NTRK3: variants seen among roughly 807,000 people sequenced by gnomAD.
NTRK3 encodes the protein neurotrophic receptor tyrosine kinase 3.
NTRK3 carries 24 observed loss-of-function variants against 91.7 expected under a neutral mutation model. The observed-to-expected ratio is 0.26, with a 90% CI of 0.19 to 0.37. NTRK3 has a LOEUF of 0.37. NTRK3 is among the 10% of genes least tolerant of loss of function. NTRK3 has a pLI of 1.00. For missense variants in NTRK3, 880 were observed against 1,068.9 expected (o/e 0.82, Z 2.46); for synonymous variants, 483 against 404.0 (o/e 1.20, Z -2.34).
At chr15:87,987,723 C>A (rs761753234) in intron 14 of NTRK3, among the ~76,000 whole-genome samples, 1 of 151,602 alleles carries the variant, frequency 6.6e-6, no homozygotes, top group Non-Finnish European at 1.5e-5. Flanking sequence ...TTCACCTTTC[C>A]CTTTATGTTA....
chr15:87,873,980 A>G, exon 19 of NTRK3: 1 of 229,026 alleles, frequency 4.4e-6, no homozygotes, highest in Non-Finnish European at 8.7e-6. Context: ...ACAGTGACAC[A>G]ACGTTGTCAG....
At chr15:88,074,735 A>G (rs1369734914) in intron 13 of NTRK3, among the ~76,000 whole-genome samples, 1 of 152,202 alleles carries the variant, frequency 6.6e-6, no homozygotes, top group Non-Finnish European at 1.5e-5. Flanking sequence ...TTCTACCATC[A>G]AACTAGAGAA....
chr15:88,062,361 T>C (rs912653597), intron 13 of NTRK3, among the ~76,000 whole-genome samples: 2 of 152,234 alleles, frequency 1.3e-5, no homozygotes, highest in African/African-American at 4.8e-5. Context: ...TTTCCCATTG[T>C]TATTAGCTGA....
At chr15:87,971,776 G>A (rs889454712) in intron 14 of NTRK3, among the ~76,000 whole-genome samples, 1 of 152,178 alleles carries the variant, frequency 6.6e-6, no homozygotes, top group Non-Finnish European at 1.5e-5. Flanking sequence ...CATGTCACAG[G>A]CTCTGTAGAC....
chr15:88,019,616 C>A (rs932658032), intron 14 of NTRK3, among the ~76,000 whole-genome samples: 1 of 152,188 alleles, frequency 6.6e-6, no homozygotes, highest in African/African-American at 2.4e-5. Context: ...TCAGTTTCAA[C>A]CCACCCACAA....
chr15:88,126,129 ACAGGAGTTT>A, intron 13 of NTRK3, 133 bp downstream of exon 13: 1 of 667,506 alleles, frequency 1.5e-6, no homozygotes. Flanking sequence ...CAAGCGGCAA[ACAGGAGTTT>A]CCATCAGTAC....
chr15:88,017,956 A>T (rs10468138), intron 14 of NTRK3, among the ~76,000 whole-genome samples: 1 of 152,042 alleles, frequency 6.6e-6, no homozygotes, highest in Non-Finnish European at 1.5e-5. Context: ...AAGAGTTGCT[A>T]TATCACCAGC....
At chr15:87,929,233 G>A (rs2141910018) in exon 17 of NTRK3, 1 of 1,614,146 alleles carries the variant, frequency 6.2e-7, no homozygotes, top group Non-Finnish European at 8.5e-7. Flanking sequence ...ACATGCCGAA[G>A]TCCCCAATCT....
chr15:88,158,752 C>T (rs1350461918), intron 5 of NTRK3, among the ~76,000 whole-genome samples: 1 of 151,854 alleles, frequency 6.6e-6, no homozygotes, highest in Non-Finnish European at 1.5e-5. Context: ...AGATGCTGGG[C>T]CTTTTCACCC....
rs1479304732 is a variant in NTRK3, at chr15:88,136,615, A to G, written c.623-6T>C. 2 of 1,611,608 alleles carry G rather than the reference A, an allele frequency of 1.2e-6. No homozygotes were observed. Among genetic ancestry groups the G allele is most frequent in the South Asian group, 2.2e-5 (2 of 90,532 alleles). Reference sequence around the variant, plus strand: ...CACGCTGATCTCAGGAAGGTCTGGGAGCCAGACAAAGTGGGTGAAAAGACA... The same window carrying G: ...CACGCTGATCTCAGGAAGGTCTGGGGGCCAGACAAAGTGGGTGAAAAGACA... On this transcript the variant is annotated splice_polypyrimidine_tract_variant and splice_region_variant and intron_variant, in intron 7 of 18. Transcript: ENST00000394480.
At chr15:88,008,560 G>A (rs1333384598) in intron 14 of NTRK3, among the ~76,000 whole-genome samples, 4 of 151,922 alleles carry the variant, frequency 2.6e-5, no homozygotes, top group African/African-American at 7.3e-5. Flanking sequence ...GATTCCTGAG[G>A]ACACATATTT....
intron 17 of NTRK3, among the ~76,000 whole-genome samples, chr15:87,881,089 G>C (rs1323153875): frequency 1.3e-5 from 2 of 152,210 alleles, no homozygotes; most frequent in Admixed American, 1.3e-4. Flanking sequence ...AACCACCTGT[G>C]AATCTGCCAA....
intron 13 of NTRK3, among the ~76,000 whole-genome samples, chr15:88,050,654 A>T (rs1285908070): frequency 6.6e-6 from 1 of 152,198 alleles, no homozygotes; most frequent in Non-Finnish European, 1.5e-5. Flanking sequence ...ATTTAATAGA[A>T]CTACTATTTG....
intron 3 of NTRK3, among the ~76,000 whole-genome samples, chr15:88,247,339 G>T (rs530804517): frequency 6.6e-6 from 1 of 152,340 alleles, no homozygotes; most frequent in South Asian, 2.1e-4. Context: ...TTCGTTCTGG[G>T]CTGCCTTGTG....
chr15:87,925,787 A>C (rs1384311374), intron 17 of NTRK3: 1 of 175,938 alleles, frequency 5.7e-6, no homozygotes, highest in Non-Finnish European at 1.2e-5. Context: ...CAATGTAAAG[A>C]TTCTACTCCT....
At chr15:88,194,178 C>G (rs1192944858) in intron 3 of NTRK3, among the ~76,000 whole-genome samples, 1 of 152,222 alleles carries the variant, frequency 6.6e-6, no homozygotes, top group Non-Finnish European at 1.5e-5. Flanking sequence ...TCTTTCTACT[C>G]TCTGGATATT....
intron 13 of NTRK3, among the ~76,000 whole-genome samples, chr15:88,082,616 C>G (rs1284097987): frequency 6.6e-6 from 1 of 152,210 alleles, no homozygotes. Context: ...TGCATGTTCT[C>G]TCTTATGTCT....
chr15:88,150,552 G>A (rs1036440686), intron 5 of NTRK3, among the ~76,000 whole-genome samples: 1 of 151,880 alleles, frequency 6.6e-6, no homozygotes, highest in African/African-American at 2.4e-5. Context: ...AGCCCCACCT[G>A]GATTCCTCCC....
intron 13 of NTRK3, among the ~76,000 whole-genome samples, chr15:88,064,425 G>A (rs561678884): frequency 1.3e-5 from 2 of 152,130 alleles, no homozygotes; most frequent in South Asian, 4.1e-4. Context: ...ACTTCACATC[G>A]ACAACCTCCA....
Sources: allele counts gnomAD v4.1 joint callset (sites outside exome capture counted in the v4.1 genomes callset), GRCh38; gene constraint gnomAD v4.1.1; transcripts MANE v1.5; gene names NCBI Gene and HGNC (gene_info 2026-07-23, HGNC 2026-07-21).